The following PCLO variants were observed in gnomAD, a reference collection of about 807,000 sequenced individuals.
PCLO encodes protein piccolo.
PCLO carries 82 observed loss-of-function variants against 427.5 expected under a neutral mutation model. The observed-to-expected ratio is 0.19, with a 90% confidence interval of 0.16 to 0.23. The LOEUF (loss-of-function observed/expected upper bound fraction) is 0.23, where lower values mean the gene tolerates loss of function less well. PCLO is among the 10% of genes least tolerant of loss of function. The pLI is 1.00. For synonymous variants in PCLO, 2,357 were observed against 2,155.4 expected (o/e 1.09, Z -2.59); for missense variants, 6,239 against 6,115.9 (o/e 1.02, Z -0.67).
At chr7:82,877,664 T>C (rs896133778) in intron 10 of PCLO, among the ~76,000 whole-genome samples, 16 of 152,140 alleles carry the variant, frequency 1.1e-4, no homozygotes, top group African/African-American at 3.9e-4. Flanking sequence ...TTTTTAATAA[T>C]GTGCATTTAT....
At chr7:82,810,925 T>C (rs565588592) in intron 20 of PCLO, among the ~76,000 whole-genome samples, 8 of 151,844 alleles carry the variant, frequency 5.3e-5, no homozygotes, top group African/African-American at 1.7e-4. Context: ...TCCAGTTATC[T>C]GAAATTTAAA....
chr7:83,135,532 C>A lies in PCLO; in HGVS notation c.2018G>T (p.Ser673Ile). The A allele has an allele frequency of 6.2e-7, 1 of 1,613,630 alleles. No homozygotes were observed. Among genetic ancestry groups the A allele is most frequent in the Non-Finnish European group, 8.5e-7 (1 of 1,179,846 alleles). ...TAPVTTTSAV[S>I]KSSPQPQQTS... The stretch of plus-strand genomic sequence containing the variant: ...CTGCTGTGGCTGTGGGGATGATTTG[C>A]TCACTGCTGATGTAGTGGTAACAGG... The change falls in exon 3 of 25, where the codon AGC becomes ATC. Residue 673 changes from serine (S) to isoleucine (I), a missense_variant. Physicochemically the swap from Ser to Ile is moderately radical, Grantham distance 142. Coordinates refer to ENST00000333891, the MANE Select transcript of PCLO (RefSeq NM_033026.6).
rs1299808239 is a variant in PCLO at position 82,841,491 on chromosome 7, C to T, written c.14065G>A (p.Val4689Ile). Reference protein sequence around the residue: ...GSSKPTDGTKVVSHPITGEIQ... With the variant: ...GSSKPTDGTKIVSHPITGEIQ... ...TCTCCTGTAATTGGATGAGAGACAA[C>T]CTTTGTTCCATCGGTAGGCTGTAAT... Residue 4689 changes from valine to isoleucine, a missense_variant, in exon 14 of 25, where the codon GTT (valine) becomes ATT (isoleucine). Physicochemically the swap from Val to Ile is conservative, Grantham distance 29. Around this residue, in one of 5 missense-constraint regions of PCLO, gnomAD observed 877 missense variants for 925.5 expected, o/e 0.95. Transcript: ENST00000333891. 6.3e-7 allele frequency: 1 copy of T among 1,594,794 alleles called. No individual in the cohort carries two copies. Among genetic ancestry groups the T allele is most frequent in the Admixed American group, 1.7e-5 (1 of 59,736 alleles).
At chr7:82,860,347 T>C (rs1792921645) in intron 10 of PCLO, among the ~76,000 whole-genome samples, 1 of 151,946 alleles carries the variant, frequency 6.6e-6, no homozygotes, top group Non-Finnish European at 1.5e-5. Flanking sequence ...ACAGCTCCAA[T>C]ACATCTGGTA....
intron 3 of PCLO, among the ~76,000 whole-genome samples, chr7:83,097,261 G>T (rs1248286109): frequency 2.9e-5 from 4 of 138,868 alleles, no homozygotes; most frequent in African/African-American, 1.1e-4. Flanking sequence ...AGTGGCTCAC[G>T]CCTGTAATCC....
chr7:82,998,913 A>G lies in PCLO; in HGVS notation c.3301-32426T>C, dbSNP rs564355675. On this transcript the variant is annotated intron_variant, in intron 3 of 24. Coordinates refer to ENST00000333891, the MANE Select transcript of PCLO (RefSeq NM_033026.6). The stretch of plus-strand genomic sequence containing the variant: ...TTAAAACAAGTATAATTAATATGAT[A>G]ATTGTTCTAATAGATGAAGTATATA... Among the ~76,000 whole-genome samples, 4 of 151,998 alleles carry G rather than the reference A, an allele frequency of 2.6e-5. No individual in the cohort carries two copies. In the Admixed American group the frequency reaches 2.6e-4, roughly 10 times the overall value.
intron 2 of PCLO, among the ~76,000 whole-genome samples, chr7:83,147,391 T>C (rs1792022214): frequency 6.6e-6 from 1 of 152,170 alleles, no homozygotes; most frequent in Admixed American, 6.5e-5. Context: ...ACCACAGAGA[T>C]TATCAGAGAA....
chr7:82,781,759 C>T (rs1790878035), intron 22 of PCLO, among the ~76,000 whole-genome samples: 1 of 152,060 alleles, frequency 6.6e-6, no homozygotes, highest in African/African-American at 2.4e-5. Flanking sequence ...GTCTTAAGAC[C>T]CTCCCCAGGG....
intron 3 of PCLO, among the ~76,000 whole-genome samples, chr7:83,006,144 T>C (rs766996219): frequency 6.6e-5 from 10 of 151,762 alleles, no homozygotes; most frequent in Non-Finnish European, 1.2e-4. Context: ...CCAGCAACTT[T>C]TGATAGAAAA....
chr7:83,109,062 T>A (rs1320431136), intron 3 of PCLO, among the ~76,000 whole-genome samples: 1 of 152,132 alleles, frequency 6.6e-6, no homozygotes, highest in African/African-American at 2.4e-5. Flanking sequence ...CTATCCCCAT[T>A]TTCTCTTTTG....
chr7:82,923,685 T>C (rs1204978506), intron 6 of PCLO, among the ~76,000 whole-genome samples: 1 of 152,090 alleles, frequency 6.6e-6, no homozygotes, highest in East Asian at 1.9e-4. Flanking sequence ...GAAATAGATA[T>C]ATTCTAGCAG....
intron 8 of PCLO, among the ~76,000 whole-genome samples, chr7:82,905,865 C>A (rs1354010043): frequency 6.6e-6 from 1 of 151,842 alleles, no homozygotes; most frequent in African/African-American, 2.4e-5. Flanking sequence ...AAGTGCTGAC[C>A]TTTACAACCA....
At chr7:83,063,581 G>A (rs28615605) in intron 3 of PCLO, among the ~76,000 whole-genome samples, 3,715 of 152,164 alleles carry the variant, frequency 0.024, 155 homozygotes, top group African/African-American at 0.085. Flanking sequence ...GAGTGTTTAG[G>A]CAAGGAAGGC....
At chr7:82,824,460 T>C in intron 18 of PCLO, 44 bp from the exon 19 acceptor site, 2 of 1,226,004 alleles carry the variant, frequency 1.6e-6, no homozygotes, top group Non-Finnish European at 2.3e-6. Context: ...GGGACTAAAG[T>C]ATAATTGATT....
intron 6 of PCLO, among the ~76,000 whole-genome samples, chr7:82,929,160 G>A (rs960461581): frequency 5.3e-5 from 8 of 152,172 alleles, no homozygotes; most frequent in Non-Finnish European, 1.2e-4. Flanking sequence ...TTTATATAAT[G>A]ACATTATTTA....
At chr7:83,123,049 C>T (rs1038114778) in intron 3 of PCLO, among the ~76,000 whole-genome samples, 7 of 151,980 alleles carry the variant, frequency 4.6e-5, no homozygotes, top group Non-Finnish European at 8.8e-5. Context: ...TTAAAATGTC[C>T]ATACTACCCA....
At chr7:82,779,085 G>A (rs796154563) in intron 22 of PCLO, among the ~76,000 whole-genome samples, 26 of 151,984 alleles carry the variant, frequency 1.7e-4, no homozygotes, top group African/African-American at 5.8e-4. Context: ...CTGTATTCAC[G>A]TCTTCTTTTG....
chr7:82,803,516 A>G (rs749327633), intron 21 of PCLO, among the ~76,000 whole-genome samples: 1 of 152,132 alleles, frequency 6.6e-6, no homozygotes, highest in African/African-American at 2.4e-5. Context: ...TACTTAGCCA[A>G]TATGTGTAGT....
chr7:83,134,217 T>TAA (rs367945125), intron 3 of PCLO, 33 bp downstream of exon 3: 4 of 440,424 alleles, frequency 9.1e-6, no homozygotes, highest in Non-Finnish European at 1.2e-5. Flanking sequence ...CCTCCATATG[T>TAA]AATATATATA....
Sources: gnomAD v4.1 joint callset for allele counts (sites outside exome capture counted in the v4.1 genomes callset) on GRCh38, gnomAD v4.1.1 for gene constraint, gnomAD v4.1.1 regional missense constraint, MANE v1.5 for transcripts, NCBI Gene and HGNC (gene_info 2026-07-23, HGNC 2026-07-21) for gene names.